SLC19A1: variants seen among roughly 807,000 people sequenced by gnomAD.
SLC19A1 encodes reduced folate transporter.
SLC19A1 carries 37 observed loss-of-function variants against 35.3 expected under a neutral mutation model. That is an observed-to-expected ratio of 1.05 (90% CI 0.81 to 1.38). The LOEUF is 1.38. Among genes scored for constraint, SLC19A1 ranks in the 40% most tolerant of loss-of-function variants. The pLI, the probability that SLC19A1 is intolerant of heterozygous loss-of-function variation, is 0.00. For synonymous variants in SLC19A1, 460 were observed against 398.5 expected (o/e 1.15, Z -1.84); for missense variants, 831 against 826.9 (o/e 1.00, Z -0.06).
chr21:45,545,208 C>T (rs1232759006), upstream of SLC19A1, among the ~76,000 whole-genome samples: 1 of 152,206 alleles, frequency 6.6e-6, no homozygotes, highest in East Asian at 1.9e-4. Context: ...CCCTCCAAAT[C>T]TCATGTTGGA....
intron 3 of SLC19A1, chr21:45,504,344 CG>C: frequency 1.3e-6 from 2 of 1,499,554 alleles, no homozygotes; most frequent in Middle Eastern, 1.8e-4. Context: ...AGCCCTGGCT[CG>C]GGGGGATGGG....
At chr21:45,519,793 C>T (rs1568976535) in intron 5 of SLC19A1, among the ~76,000 whole-genome samples, 1 of 152,140 alleles carries the variant, frequency 6.6e-6, no homozygotes, top group African/African-American at 2.4e-5. Flanking sequence ...GACTTCAATA[C>T]CCCCTCTCAA....
downstream of SLC19A1, chr21:45,509,986 G>A (rs1048490839): frequency 1.8e-5 from 27 of 1,480,898 alleles, no homozygotes; most frequent in East Asian, 2.5e-5. Context: ...ACAGGTGCGG[G>A]GCCGGGGTGG....
downstream of SLC19A1, among the ~76,000 whole-genome samples, chr21:45,511,499 G>T (rs575602216): frequency 6.6e-6 from 1 of 152,086 alleles, no homozygotes; most frequent in African/African-American, 2.4e-5. Flanking sequence ...CATGTCTCCC[G>T]GATGTCACCA....
chr21:45,532,120 G>T lies in SLC19A1; in HGVS notation c.218C>A (p.Ser73Ter). The T allele has an allele frequency of 6.2e-7, 1 of 1,608,490 alleles. No homozygotes were observed. The highest frequency in any genetic ancestry group is 8.5e-7 in the Non-Finnish European group (1 of 1,176,880). ...QVTNEITPVL[S>*]YSYLAVLVPV... Reference sequence around the variant, plus strand: ...CACCAGCACGGCCAGGTAGGAGTACGACAGCACCGGCGTGATCTCGTTCGT... The same window carrying T: ...CACCAGCACGGCCAGGTAGGAGTACTACAGCACCGGCGTGATCTCGTTCGT... Residue 73 changes from serine (S) to a stop codon, truncating the protein, a stop_gained, in exon 3 of 6, where the codon TCG becomes TAG. Transcript: ENST00000311124. LOFTEE classifies it high-confidence loss of function.
chr21:45,546,564 CTT>C, upstream of SLC19A1, among the ~76,000 whole-genome samples: 1 of 152,374 alleles, frequency 6.6e-6, no homozygotes, highest in East Asian at 1.9e-4. Context: ...TATAGCCAGA[CTT>C]TCACAAAATC....
chr21:45,510,054 C>T, downstream of SLC19A1: 6 of 1,550,774 alleles, frequency 3.9e-6, no homozygotes, highest in Non-Finnish European at 5.2e-6. Context: ...ACGCGCCCCT[C>T]TCCCCGCAGC....
At chr21:45,508,562 C>T (rs1047678644), downstream of SLC19A1, among the ~76,000 whole-genome samples, 1 of 151,516 alleles carries the variant, frequency 6.6e-6, no homozygotes, top group African/African-American at 2.4e-5. Context: ...TTTCGTTTTC[C>T]TAAGTGTTGC....
chr21:45,540,829 T>C lies in SLC19A1; in HGVS notation c.-50+1539A>G, dbSNP rs2078281838. 6.6e-6 allele frequency among the ~76,000 whole-genome samples: 1 copy of C among 152,102 alleles called. No individual in the cohort carries two copies. The highest frequency in any genetic ancestry group is 2.4e-5 in the African/African-American group (1 of 41,410). On this transcript the variant is annotated intron_variant, in intron 1 of 5. Coordinates refer to ENST00000311124, the MANE Select transcript of SLC19A1 (RefSeq NM_194255.4). This position sits in a 1 kb window ranked among gnomAD's most constrained non-coding sequence, Gnocchi z 5.5. ...TTCAGGAGAAGGTTGTAACAGCCCCTGCAAATCCCCGGCCCCACTGTCCAC... is the reference window on the plus strand; with the variant it reads ...TTCAGGAGAAGGTTGTAACAGCCCCCGCAAATCCCCGGCCCCACTGTCCAC...
downstream of SLC19A1, chr21:45,510,229 G>T: frequency 6.2e-7 from 1 of 1,606,294 alleles, no homozygotes; most frequent in Non-Finnish European, 8.5e-7. Context: ...GCGCCGTGCC[G>T]ACCGCGCAGC....
chr21:45,504,599 C>G (rs1013103699), intron 3 of SLC19A1: 1 of 1,539,924 alleles, frequency 6.5e-7, no homozygotes, highest in Admixed American at 2.0e-5. Flanking sequence ...TCCCAGGGGT[C>G]TGGGTGCAGG....
At chr21:45,527,802 G>C (rs907724185) in intron 4 of SLC19A1, among the ~76,000 whole-genome samples, 3 of 151,808 alleles carry the variant, frequency 2.0e-5, no homozygotes, top group African/African-American at 7.3e-5. Context: ...GCGGGCCCTG[G>C]AGGTGAGCGG....
chr21:45,537,749 CGG>C lies in SLC19A1; in HGVS notation c.189+20_189+21del. 1 of 1,339,902 alleles carries C rather than the reference CGG, an allele frequency of 7.5e-7. No individual in the cohort carries two copies. The highest frequency in any genetic ancestry group is 1.8e-5 in the South Asian group (1 of 54,642). 83.0% of individuals were successfully genotyped at this position (1,339,902 alleles called of 1,614,324 possible). On this transcript the variant is annotated intron_variant, in intron 2 of 5. Coordinates refer to ENST00000311124, the MANE Select transcript of SLC19A1 (RefSeq NM_194255.4). ...GCCCACCCACCCACAGGCGGCCGCCCGGCACCCCGGCACCCACATGCCTGCTC... is the reference window on the plus strand; with the variant it reads ...GCCCACCCACCCACAGGCGGCCGCCCCACCCCGGCACCCACATGCCTGCTC...
At chr21:45,511,847 A>G (rs951955619), downstream of SLC19A1, among the ~76,000 whole-genome samples, 2 of 152,158 alleles carry the variant, frequency 1.3e-5, no homozygotes, top group Non-Finnish European at 2.9e-5. Context: ...GAAAGCCAGG[A>G]GCCCGGGAGG....
intron 1 of SLC19A1, among the ~76,000 whole-genome samples, chr21:45,556,156 C>T (rs1360064556): frequency 6.6e-6 from 1 of 152,256 alleles, no homozygotes; most frequent in Non-Finnish European, 1.5e-5. Context: ...GCTCCCGTTC[C>T]AGTCCCCGGA....
chr21:45,504,510 CCGGCCCCCCAGGCCCCCCA>C (rs2146074786), intron 3 of SLC19A1: 1 of 1,414,934 alleles, frequency 7.1e-7, no homozygotes, highest in Non-Finnish European at 9.3e-7. Flanking sequence ...CCCGGCCCCC[CCGGCCCCCCAGGCCCCCCA>C]GGCCCACGTG....
chr21:45,547,765 T>C (rs946317847), upstream of SLC19A1, among the ~76,000 whole-genome samples: 2 of 152,214 alleles, frequency 1.3e-5, no homozygotes, highest in South Asian at 4.1e-4. Flanking sequence ...CCCAGTCACC[T>C]TGGACGCATG....
chr21:45,518,733 G>A (rs1568974874), intron 5 of SLC19A1, among the ~76,000 whole-genome samples: 1 of 152,086 alleles, frequency 6.6e-6, no homozygotes, highest in Admixed American at 6.5e-5. Flanking sequence ...AAAGAACACT[G>A]TCTACCCAGC....
chr21:45,531,486 C>T lies in SLC19A1; in HGVS notation c.852G>A (p.Val284=), dbSNP rs2077899154. 6.2e-7 allele frequency: 1 copy of T among 1,612,638 alleles called. No individual in the cohort carries two copies. Among genetic ancestry groups the T allele is most frequent in the South Asian group, 1.1e-5 (1 of 91,082 alleles). ...WVFNSAGYYL[V]VYYVHILWNE... ...TCCACAGGATGTGCACGTAGTAGACCACCAGGTAGTAGCCGGCCGAGTTGA... is the reference window on the plus strand; with the variant it reads ...TCCACAGGATGTGCACGTAGTAGACTACCAGGTAGTAGCCGGCCGAGTTGA... The change falls in exon 3 of 6, where the codon GTG becomes GTA. Residue 284 remains valine, a synonymous_variant. Transcript: ENST00000311124.
Sources: allele counts gnomAD v4.1 joint callset (sites outside exome capture counted in the v4.1 genomes callset), GRCh38; gene constraint gnomAD v4.1.1; non-coding constraint Gnocchi (gnomAD v3.1); transcripts MANE v1.5; gene names NCBI Gene and HGNC (gene_info 2026-07-23, HGNC 2026-07-21).